Variants in GPHN observed in about 807,000 individuals in gnomAD.
GPHN encodes gephyrin.
In GPHN, 17 loss-of-function variants were observed where a neutral mutation model predicts 95.5. That is an observed-to-expected ratio of 0.18 (90% CI 0.12 to 0.27). GPHN has a LOEUF of 0.27. Ranked by LOEUF, GPHN falls within the 10% of genes least tolerant of loss-of-function variation. The probability of loss-of-function intolerance (pLI) is 1.00; values close to 1 mark genes in which losing one functional copy is unlikely to be tolerated. For missense variants in GPHN, 660 were observed against 978.1 expected (o/e 0.67, Z 4.34); for synonymous variants, 320 against 322.5 (o/e 0.99, Z 0.08).
At chr14:67,144,242 A>T (rs376118007) in intron 18 of GPHN, among the ~76,000 whole-genome samples, 7,015 of 67,696 alleles carry the variant, frequency 0.1, 1,803 homozygotes, top group African/African-American at 0.46. Context: ...GTCTTAAAAA[A>T]AAAAAAAAAT....
the GPHN span, among the ~76,000 whole-genome samples, chr14:67,375,000 T>C: frequency 6.6e-6 from 1 of 152,212 alleles, no homozygotes; most frequent in Non-Finnish European, 1.5e-5. Flanking sequence ...TTATAAAATG[T>C]CTGTGAATCC....
chr14:67,546,828 A>C, the GPHN span, among the ~76,000 whole-genome samples: 2 of 152,020 alleles, frequency 1.3e-5, no homozygotes, highest in Non-Finnish European at 2.9e-5. Context: ...ATCACACTAC[A>C]CTCCAGCCTG....
intron 2 of GPHN, among the ~76,000 whole-genome samples, chr14:66,715,064 C>G (rs2070036162): frequency 1.3e-5 from 2 of 152,150 alleles, no homozygotes; most frequent in South Asian, 4.1e-4. Flanking sequence ...ATAAATTCTT[C>G]TTTGAATGTC....
intron 8 of GPHN, among the ~76,000 whole-genome samples, chr14:66,964,403 C>T (rs572121962): frequency 4.5e-4 from 69 of 152,186 alleles, no homozygotes; most frequent in Middle Eastern, 3.4e-3. Context: ...TCCTAGCAGA[C>T]GTCAGATAGC....
intron 9 of GPHN, among the ~76,000 whole-genome samples, chr14:66,977,737 C>T (rs2070356069): frequency 6.6e-6 from 1 of 152,056 alleles, no homozygotes; most frequent in Non-Finnish European, 1.5e-5. Flanking sequence ...AATAGAATAG[C>T]AAATTATTTC....
At chr14:67,239,724 C>T in the GPHN span, among the ~76,000 whole-genome samples, 1,317 of 152,198 alleles carry the variant, frequency 8.7e-3, 13 homozygotes, top group Non-Finnish European at 0.015. Context: ...GGCGTGGTGG[C>T]TGGCACCTGT....
At chr14:67,553,286 G>C in the GPHN span, among the ~76,000 whole-genome samples, 22 of 152,094 alleles carry the variant, frequency 1.4e-4, no homozygotes, top group Non-Finnish European at 3.2e-4. Flanking sequence ...CTTATTGAGG[G>C]ACCAGGGCCT....
the GPHN span, among the ~76,000 whole-genome samples, chr14:67,272,573 C>G: frequency 6.6e-6 from 1 of 152,124 alleles, no homozygotes; most frequent in Non-Finnish European, 1.5e-5. Context: ...ACTTCTTTCT[C>G]CTCCTCCTCC....
At chr14:67,534,499 C>A in the GPHN span, among the ~76,000 whole-genome samples, 1 of 151,822 alleles carries the variant, frequency 6.6e-6, no homozygotes, top group African/African-American at 2.4e-5. Context: ...ATGATCCTGT[C>A]TGTTAAAAAA....
At chr14:66,906,089 C>T (rs2065368207) in intron 5 of GPHN, among the ~76,000 whole-genome samples, 2 of 151,690 alleles carry the variant, frequency 1.3e-5, no homozygotes, top group African/African-American at 4.8e-5. Flanking sequence ...GAATGCTACC[C>T]TTCTCGGGTG....
chr14:67,655,325 T>C, the GPHN span, among the ~76,000 whole-genome samples: 2 of 152,112 alleles, frequency 1.3e-5, no homozygotes, highest in Non-Finnish European at 2.9e-5. Context: ...AGACCCTGTC[T>C]CTAAAAAACT....
At chr14:66,870,874 C>T (rs1247199768) in intron 4 of GPHN, among the ~76,000 whole-genome samples, 2 of 152,154 alleles carry the variant, frequency 1.3e-5, no homozygotes, top group Non-Finnish European at 2.9e-5. Flanking sequence ...AATTCAGATG[C>T]TTCCTAATGT....
intron 2 of GPHN, among the ~76,000 whole-genome samples, chr14:66,723,033 C>A (rs1308179747): frequency 6.6e-6 from 1 of 152,022 alleles, no homozygotes; most frequent in African/African-American, 2.4e-5. Context: ...GAATACTTTG[C>A]ATATAGGGTT....
chr14:67,064,063 G>A (rs372584840), intron 11 of GPHN, among the ~76,000 whole-genome samples: 1 of 152,176 alleles, frequency 6.6e-6, no homozygotes, highest in Non-Finnish European at 1.5e-5. Flanking sequence ...GATATTGGCT[G>A]TGGGTTTGTC....
the GPHN span, among the ~76,000 whole-genome samples, chr14:67,218,073 G>C: frequency 6.6e-6 from 1 of 152,202 alleles, no homozygotes; most frequent in African/African-American, 2.4e-5. Flanking sequence ...CCTAGGCTTA[G>C]AGAGTTTGTG....
At chr14:67,438,431 C>A in the GPHN span, among the ~76,000 whole-genome samples, 6 of 152,136 alleles carry the variant, frequency 3.9e-5, no homozygotes, top group Admixed American at 3.9e-4. Flanking sequence ...GAGGTAGGAG[C>A]TTTGGAGTCA....
the GPHN span, among the ~76,000 whole-genome samples, chr14:67,549,355 C>T: frequency 2.6e-5 from 4 of 151,814 alleles, no homozygotes; most frequent in African/African-American, 9.7e-5. Context: ...ACTGCAACCT[C>T]CGCCTCCCAG....
In GPHN at chr14:66,545,246, C is replaced by T. The variant is rs1360306992; in HGVS notation, c.64+36655C>T. Among the ~76,000 whole-genome samples, 28 of 147,918 alleles carry T rather than the reference C, an allele frequency of 1.9e-4. No homozygotes were observed. The East Asian group carries it at 5.5e-3, about 29-fold the overall frequency. Reference sequence around the variant, plus strand: ...CTCCCTCCCGGACGGGGCGGCTGGCCGGGCAGAGGGGCTCCTCACTTCCCA... The same window carrying T: ...CTCCCTCCCGGACGGGGCGGCTGGCTGGGCAGAGGGGCTCCTCACTTCCCA... On this transcript the variant is annotated intron_variant, in intron 1 of 22. Coordinates refer to ENST00000478722, the MANE Select transcript of GPHN (RefSeq NM_020806.5).
the GPHN span, chr14:67,336,441 G>GT: frequency 4.9e-6 from 1 of 203,076 alleles, no homozygotes; most frequent in Admixed American, 5.6e-5. Context: ...CTGCACTTTT[G>GT]TAAGTATTTT....
Sources: allele counts gnomAD v4.1 joint callset (sites outside exome capture counted in the v4.1 genomes callset), GRCh38; gene constraint gnomAD v4.1.1; transcripts MANE v1.5; gene names NCBI Gene and HGNC (gene_info 2026-07-23, HGNC 2026-07-21).